Variants in ARMC3 observed in about 807,000 individuals in gnomAD.
The protein encoded by ARMC3 is armadillo repeat-containing protein 3.
Under a neutral mutation model 90.3 loss-of-function variants are expected in ARMC3, and 74 were observed. That is an observed-to-expected ratio of 0.82 (90% CI 0.68 to 0.99). ARMC3 has a LOEUF of 0.99. Ranked by LOEUF, ARMC3 falls within the 50% of genes least tolerant of loss-of-function variation. ARMC3 has a pLI of 0.00. For missense variants in ARMC3, 958 were observed against 1,042.8 expected (o/e 0.92, Z 1.12); for synonymous variants, 334 against 361.8 (o/e 0.92, Z 0.87).
chr10:22,994,177 G>A (rs929729554), intron 10 of ARMC3, among the ~76,000 whole-genome samples: 4 of 152,242 alleles, frequency 2.6e-5, no homozygotes, highest in African/African-American at 9.6e-5. Flanking sequence ...AAAGACATTT[G>A]TGCTGAGCTG....
At chr10:23,034,891 T>C (rs1234924669) in intron 18 of ARMC3, among the ~76,000 whole-genome samples, 2 of 152,196 alleles carry the variant, frequency 1.3e-5, no homozygotes, top group South Asian at 2.1e-4. Flanking sequence ...ACAGATTATT[T>C]CCTTCATCCT....
At chr10:23,028,236 T>C (rs1838794692) in intron 16 of ARMC3, among the ~76,000 whole-genome samples, 2 of 152,226 alleles carry the variant, frequency 1.3e-5, no homozygotes, top group South Asian at 4.1e-4. Context: ...CATTGGCTAG[T>C]TCCTCTTTTA....
intron 3 of ARMC3, 107 bp from the exon 4 acceptor site, chr10:22,955,700 A>G (rs527351467): frequency 1.5e-6 from 2 of 1,366,622 alleles, no homozygotes; most frequent in Admixed American, 4.2e-5. Flanking sequence ...GGAAGCCAAG[A>G]GTAATGTGAA....
chr10:22,938,804 A>C (rs1243426659), intron 2 of ARMC3, among the ~76,000 whole-genome samples: 2 of 152,228 alleles, frequency 1.3e-5, no homozygotes, highest in South Asian at 2.1e-4. Context: ...GCAAGCAAGC[A>C]AGCCTAGTCG....
At chr10:23,024,786 C>G (rs1838651517) in intron 16 of ARMC3, among the ~76,000 whole-genome samples, 1 of 152,054 alleles carries the variant, frequency 6.6e-6, no homozygotes. Context: ...GAATAAAAAC[C>G]AATTGAAAGA....
chr10:23,008,456 G>C, intron 15 of ARMC3, 82 bp downstream of exon 15: 1 of 788,264 alleles, frequency 1.3e-6, no homozygotes. Context: ...TTTTAGATTG[G>C]GGCAACTTGA....
intron 1 of ARMC3, among the ~76,000 whole-genome samples, chr10:22,928,308 A>T (rs374249900): frequency 1.3e-5 from 2 of 152,172 alleles, no homozygotes; most frequent in South Asian, 4.1e-4. Context: ...CTCCCATTCA[A>T]CAGGTGACAA....
intron 16 of ARMC3, 145 bp downstream of exon 16, chr10:23,009,076 G>A (rs1837791016): frequency 4.4e-6 from 3 of 677,244 alleles, no homozygotes; most frequent in Non-Finnish European, 7.4e-6. Context: ...CTTGATTTTT[G>A]TCTCTTACCA....
At chr10:23,002,609 CTT>C (rs776143888) in intron 12 of ARMC3, among the ~76,000 whole-genome samples, 2 of 139,444 alleles carry the variant, frequency 1.4e-5, no homozygotes, top group African/African-American at 2.6e-5. Context: ...TTTTTTCTTT[CTT>C]TTTTTTTTTG....
intron 2 of ARMC3, among the ~76,000 whole-genome samples, chr10:22,933,167 G>T (rs572329811): frequency 6.6e-6 from 1 of 152,246 alleles, no homozygotes; most frequent in African/African-American, 2.4e-5. Context: ...CCGGGTCCAG[G>T]AAGGCTTTGC....
intron 16 of ARMC3, among the ~76,000 whole-genome samples, chr10:23,024,758 A>G (rs1838650684): frequency 6.6e-6 from 1 of 152,222 alleles, no homozygotes; most frequent in South Asian, 2.1e-4. Context: ...ACAAGAAGGC[A>G]AGAAAAGAAG....
intron 10 of ARMC3, among the ~76,000 whole-genome samples, chr10:22,993,237 G>A (rs1281339040): frequency 6.6e-6 from 1 of 152,202 alleles, no homozygotes; most frequent in Admixed American, 6.5e-5. Context: ...ACCAAATGGT[G>A]TCAACTGGTG....
chr10:22,993,486 TC>T, intron 10 of ARMC3, among the ~76,000 whole-genome samples: 1 of 152,340 alleles, frequency 6.6e-6, no homozygotes, highest in Non-Finnish European at 1.5e-5. Context: ...CTGGATCCTA[TC>T]CCTTCTTGCA....
chr10:23,037,003 G>A (rs753868175), intron 18 of ARMC3, among the ~76,000 whole-genome samples: 6 of 152,114 alleles, frequency 3.9e-5, no homozygotes, highest in Non-Finnish European at 7.4e-5. Flanking sequence ...AATCACCCTC[G>A]CCATCTGATA....
Position 23,016,382 on chromosome 10 carries a change from C to G in ARMC3, c.2045+7451C>G, listed in dbSNP as rs560190427. ...TGTCAATAAGCGATTTAGAGCCAGCCAAATATTCTATATGTTTACCTGCTC... is the reference window on the plus strand; with the variant it reads ...TGTCAATAAGCGATTTAGAGCCAGCGAAATATTCTATATGTTTACCTGCTC... On this transcript the variant is annotated intron_variant, in intron 16 of 18. Coordinates refer to ENST00000298032, the MANE Select transcript of ARMC3 (RefSeq NM_173081.5). Among the ~76,000 whole-genome samples, 7 of 152,254 alleles carry G rather than the reference C, an allele frequency of 4.6e-5. No individual in the cohort carries two copies. In the South Asian group the frequency reaches 1.5e-3, roughly 32 times the overall value.
chr10:23,017,777 C>G (rs1049986939), intron 16 of ARMC3, among the ~76,000 whole-genome samples: 1 of 152,040 alleles, frequency 6.6e-6, no homozygotes, highest in South Asian at 2.1e-4. Context: ...AAAAACAAAA[C>G]AAAACAAAAC....
chr10:23,036,190 T>C (rs893747248), intron 18 of ARMC3, among the ~76,000 whole-genome samples: 1 of 152,168 alleles, frequency 6.6e-6, no homozygotes, highest in Non-Finnish European at 1.5e-5. Context: ...TATTTTTGTC[T>C]CTCTACCCCA....
At chr10:23,036,719 A>C (rs1440879210) in intron 18 of ARMC3, among the ~76,000 whole-genome samples, 1 of 152,158 alleles carries the variant, frequency 6.6e-6, no homozygotes, top group Non-Finnish European at 1.5e-5. Flanking sequence ...ATAACCTCAA[A>C]ATCAGGAATC....
At chr10:22,964,118 T>A (rs1203916471) in intron 7 of ARMC3, among the ~76,000 whole-genome samples, 3 of 152,060 alleles carry the variant, frequency 2.0e-5, no homozygotes, top group Non-Finnish European at 4.4e-5. Context: ...TATTTCTATA[T>A]GTGAGCAATG....
Sources: gnomAD v4.1 joint callset for allele counts (sites outside exome capture counted in the v4.1 genomes callset) on GRCh38, gnomAD v4.1.1 for gene constraint, MANE v1.5 for transcripts, NCBI Gene and HGNC (gene_info 2026-07-23, HGNC 2026-07-21) for gene names.